The following PAPOLG variants were observed in gnomAD, a reference collection of about 807,000 sequenced individuals.
PAPOLG encodes poly(A) polymerase gamma.
PAPOLG carries 40 observed loss-of-function variants against 99.0 expected under a neutral mutation model. That is an observed-to-expected ratio of 0.40 (90% CI 0.31 to 0.53). The LOEUF (loss-of-function observed/expected upper bound fraction) is 0.53. PAPOLG is among the 20% of genes least tolerant of loss of function. The pLI is 0.41. For synonymous variants in PAPOLG, 310 were observed against 299.3 expected (o/e 1.04, Z -0.37); for missense variants, 675 against 884.1 (o/e 0.76, Z 3.00).
chr2:60,787,232 C>T (rs1671389638), intron 14 of PAPOLG, among the ~76,000 whole-genome samples, 166 bp downstream of exon 14: 2 of 152,142 alleles, frequency 1.3e-5, no homozygotes, highest in African/African-American at 4.8e-5. Context: ...TACATAACTA[C>T]TTTGGTAGCC....
At chr2:60,788,380 G>A (rs1282372847) in intron 15 of PAPOLG, among the ~76,000 whole-genome samples, 2 of 152,126 alleles carry the variant, frequency 1.3e-5, no homozygotes, top group Non-Finnish European at 2.9e-5. Flanking sequence ...GGACTGCAGT[G>A]GTGCGATCTC....
At chr2:60,795,165 G>A in intron 21 of PAPOLG, 145 bp downstream of exon 21, 1 of 700,294 alleles carries the variant, frequency 1.4e-6, no homozygotes, top group Non-Finnish European at 2.5e-6. Context: ...TGTAGTTGGG[G>A]TTGGAGATAG....
At chr2:60,780,803 C>CTTAAA (rs1455982502) in intron 10 of PAPOLG, 24 bp downstream of exon 10, 9 of 1,554,882 alleles carry the variant, frequency 5.8e-6, no homozygotes, top group Admixed American at 5.0e-5. Flanking sequence ...TATGGAGTTT[C>CTTAAA]TTTAAAGCTT....
In PAPOLG at chr2:60,771,509, C is replaced by A; in HGVS notation, c.493-10C>A. 6.4e-7 allele frequency: 1 copy of A among 1,565,258 alleles called. No homozygotes were observed. Among genetic ancestry groups the A allele is most frequent in the Non-Finnish European group, 8.6e-7 (1 of 1,163,646 alleles). ...GTAATTTTTTTCTCTTTTTTCACATCTTTCCAAAGATTGATCTAGTCTTTG... is the reference window on the plus strand; with the variant it reads ...GTAATTTTTTTCTCTTTTTTCACATATTTCCAAAGATTGATCTAGTCTTTG... On this transcript the variant is annotated splice_polypyrimidine_tract_variant and intron_variant, in intron 6 of 21. Transcript: ENST00000238714.
At chr2:60,758,242 C>G (rs1458286739) in intron 1 of PAPOLG, among the ~76,000 whole-genome samples, 1 of 151,464 alleles carries the variant, frequency 6.6e-6, no homozygotes, top group Non-Finnish European at 1.5e-5. Flanking sequence ...AAAGAAATTA[C>G]CACTTGAAAT....
At position 60,758,328 on chromosome 2, in the gene PAPOLG, G is replaced by GTTT. The variant is rs61243299; in HGVS notation, c.18-1785_18-1783dup. Among the ~76,000 whole-genome samples the GTTT allele has an allele frequency of 2.2e-4, 16 of 71,338 alleles. 1 individual carries two copies. The highest frequency in any genetic ancestry group is 8.0e-4 in the African/African-American group (14 of 17,476). The allele number at this position is 71,338 out of a possible 152,430, so 46.8% of individuals were successfully genotyped here. On this transcript the variant is annotated intron_variant, in intron 1 of 21. Coordinates refer to ENST00000238714, the MANE Select transcript of PAPOLG (RefSeq NM_022894.4). Reference sequence around the variant, plus strand: ...ATTAACCAGTATTTTGGTTTCTGGGGTTTTTTTTTTTTTTTTTTTTTTTGA... The same window carrying GTTT: ...ATTAACCAGTATTTTGGTTTCTGGGGTTTTTTTTTTTTTTTTTTTTTTTTTTGA...
rs1032630556 is a variant in PAPOLG at position 60,800,276 on chromosome 2, C to G, written c.*3116C>G. On this transcript the variant is annotated 3_prime_UTR_variant, in exon 22 of 22. Coordinates refer to ENST00000238714, the MANE Select transcript of PAPOLG (RefSeq NM_022894.4). ...TCTCACCTCACTGCAACCTCTGCCTCCCGGGTTCAAGTGATTCTCTTGCCT... is the reference window on the plus strand; with the variant it reads ...TCTCACCTCACTGCAACCTCTGCCTGCCGGGTTCAAGTGATTCTCTTGCCT... 1 of 152,238 alleles carries G rather than the reference C, an allele frequency of 6.6e-6. No homozygotes were observed. The highest frequency in any genetic ancestry group is 6.5e-5 in the Admixed American group (1 of 15,278). 9.4% of individuals were successfully genotyped at this position (152,238 alleles called of 1,614,324 possible). A position where few individuals can be genotyped will look rare whatever the true frequency, so the allele number is the denominator to read the frequency against.
intron 1 of PAPOLG, among the ~76,000 whole-genome samples, chr2:60,758,577 G>A (rs768341842): frequency 2.0e-5 from 3 of 151,798 alleles, no homozygotes; most frequent in East Asian, 1.9e-4. Flanking sequence ...ACAGACGTCC[G>A]CCACCATGCC....
intron 15 of PAPOLG, among the ~76,000 whole-genome samples, chr2:60,789,420 A>T (rs778015324): frequency 3.3e-5 from 5 of 152,098 alleles, no homozygotes; most frequent in Non-Finnish European, 7.4e-5. Flanking sequence ...TTTTAAATAG[A>T]GACAGGATTT....
intron 13 of PAPOLG, among the ~76,000 whole-genome samples, chr2:60,783,908 T>C (rs1189312360): frequency 1.3e-5 from 2 of 152,188 alleles, no homozygotes; most frequent in African/African-American, 4.8e-5. Flanking sequence ...CTCAGCCAGA[T>C]TTAAGCAAAA....
Position 60,793,424 on chromosome 2 carries a change from T to C in PAPOLG, c.1680-203T>C, listed in dbSNP as rs117653839. 4.6e-4 allele frequency among the ~76,000 whole-genome samples: 69 copies of C among 150,812 alleles called. 1 individual carries two copies. The South Asian group carries it at 0.011, about 23-fold the overall frequency. On this transcript the variant is annotated intron_variant, in intron 17 of 21. Coordinates refer to ENST00000238714, the MANE Select transcript of PAPOLG (RefSeq NM_022894.4). ...ATAAAAATTTAAAAAATTAACCCGA[T>C]ATGATGGCACACACCTATGTTCTTA...
At chr2:60,779,424 GGT>G (rs1671124664) in intron 8 of PAPOLG, 1 of 480,780 alleles carries the variant, frequency 2.1e-6, no homozygotes, top group Admixed American at 3.6e-5. Flanking sequence ...AGCAATTTAT[GGT>G]TTACTAATTA....
In PAPOLG at chr2:60,780,697, T is replaced by C; in HGVS notation, c.834-10T>C. On this transcript the variant is annotated splice_polypyrimidine_tract_variant and intron_variant, in intron 9 of 21. Transcript: ENST00000238714. The stretch of plus-strand genomic sequence containing the variant: ...ATCATGTGTAAGTTAATTTGCCTTA[T>C]TCATGTCAGGGAATGGCCAAATCCT... 1.2e-6 allele frequency: 2 copies of C among 1,613,832 alleles called. No individual in the cohort carries two copies. The highest frequency in any genetic ancestry group is 2.2e-5 in the South Asian group (2 of 91,062).
At chr2:60,793,925 A>T (rs890835840) in intron 18 of PAPOLG, 46 bp from the exon 19 acceptor site, 2 of 1,569,358 alleles carry the variant, frequency 1.3e-6, no homozygotes, top group African/African-American at 1.4e-5. Flanking sequence ...AGGAAAAAAA[A>T]ATTACATAAA....
intron 2 of PAPOLG, among the ~76,000 whole-genome samples, chr2:60,761,197 G>A (rs1670512805): frequency 6.6e-6 from 1 of 152,132 alleles, no homozygotes; most frequent in Non-Finnish European, 1.5e-5. Context: ...GTTCAGTTTT[G>A]CATGTTATCT....
At chr2:60,779,833 G>A (rs577794273) in intron 9 of PAPOLG, 58 bp downstream of exon 9, 57 of 1,455,000 alleles carry the variant, frequency 3.9e-5, no homozygotes, top group Admixed American at 7.5e-5. Context: ...GCGTAAGTTT[G>A]TTTGGAAATT....
Position 60,780,633 on chromosome 2 carries a change from T to C in PAPOLG, c.834-74T>C, listed in dbSNP as rs1332216757. 3.4e-6 allele frequency: 5 copies of C among 1,453,268 alleles called. No homozygotes were observed. The African/African-American group carries it at 7.0e-5, about 20-fold the overall frequency. The allele number at this position is 1,453,268 out of a possible 1,614,324, so 90.0% of individuals were successfully genotyped here. A position where few individuals can be genotyped will look rare whatever the true frequency, so the allele number is the denominator to read the frequency against. On this transcript the variant is annotated intron_variant, in intron 9 of 21. Transcript: ENST00000238714. Reference sequence around the variant, plus strand: ...TTCACTCTGTAGAAGGTTAGAACAATCTAATAATTATAAAGTTTCATGTAG... The same window carrying C: ...TTCACTCTGTAGAAGGTTAGAACAACCTAATAATTATAAAGTTTCATGTAG...
chr2:60,778,378 A>G (rs1011257600), intron 8 of PAPOLG, among the ~76,000 whole-genome samples: 9 of 151,786 alleles, frequency 5.9e-5, no homozygotes, highest in Non-Finnish European at 1.0e-4. Context: ...AGGTGTTGCT[A>G]TGTTAGCTAG....
At chr2:60,796,418 C>T (rs753433097) in intron 21 of PAPOLG, among the ~76,000 whole-genome samples, 10 of 151,814 alleles carry the variant, frequency 6.6e-5, no homozygotes, top group Non-Finnish European at 1.3e-4. Context: ...GGATTACAGG[C>T]GTGAACCACC....
Sources: gnomAD v4.1 joint callset for allele counts (sites outside exome capture counted in the v4.1 genomes callset) on GRCh38, gnomAD v4.1.1 for gene constraint, MANE v1.5 for transcripts, NCBI Gene and HGNC (gene_info 2026-07-23, HGNC 2026-07-21) for gene names.